Variants in GRID2 observed in about 807,000 individuals in gnomAD.
The protein encoded by GRID2 is glutamate receptor ionotropic, delta-2.
GRID2 carries 33 observed loss-of-function variants against 114.8 expected under a neutral mutation model. That is an observed-to-expected ratio of 0.29 (90% CI 0.22 to 0.38). The LOEUF is 0.38. GRID2 is among the 10% of genes least tolerant of loss of function. GRID2 has a pLI of 1.00. For synonymous variants in GRID2, 505 were observed against 449.9 expected (o/e 1.12, Z -1.55); for missense variants, 1,184 against 1,257.7 (o/e 0.94, Z 0.89).
intron 1 of GRID2, among the ~76,000 whole-genome samples, chr4:92,313,913 A>G (rs1725834046): frequency 6.6e-6 from 1 of 152,068 alleles, no homozygotes; most frequent in Non-Finnish European, 1.5e-5. Context: ...GGAAGGGGAT[A>G]TTAGGTTAAG....
chr4:92,609,617 A>AAT (rs1283727054), intron 2 of GRID2, among the ~76,000 whole-genome samples: 10 of 148,426 alleles, frequency 6.7e-5, no homozygotes, highest in Non-Finnish European at 1.3e-4. Flanking sequence ...TACTGGAAAT[A>AAT]ATATATATTA....
intron 2 of GRID2, among the ~76,000 whole-genome samples, chr4:92,637,662 T>A (rs1311443140): frequency 1.3e-5 from 2 of 152,132 alleles, no homozygotes; most frequent in East Asian, 1.9e-4. Flanking sequence ...GATATTGAAC[T>A]CCTATACATC....
chr4:92,443,292 A>G (rs138434834), intron 1 of GRID2, among the ~76,000 whole-genome samples: 2,802 of 152,218 alleles, frequency 0.018, 95 homozygotes, highest in African/African-American at 0.064. Flanking sequence ...ATTTGGAACT[A>G]CTGTGGAGTT....
At chr4:93,237,746 A>G (rs1746968160) in intron 7 of GRID2, among the ~76,000 whole-genome samples, 1 of 151,910 alleles carries the variant, frequency 6.6e-6, no homozygotes, top group South Asian at 2.1e-4. Flanking sequence ...ATATTGAATG[A>G]AAGATGAAGC....
chr4:92,697,775 G>T (rs1734490480), intron 2 of GRID2, among the ~76,000 whole-genome samples: 1 of 152,120 alleles, frequency 6.6e-6, no homozygotes. Context: ...ACTCTTAATT[G>T]ATATAGAGAA....
At chr4:93,052,121 T>C (rs181144617) in intron 2 of GRID2, among the ~76,000 whole-genome samples, 188 of 152,166 alleles carry the variant, frequency 1.2e-3, no homozygotes, top group Admixed American at 0.012. Flanking sequence ...TGGAGCTTTA[T>C]TGTTTATATC....
intron 10 of GRID2, among the ~76,000 whole-genome samples, chr4:93,448,250 AAAAG>A (rs1205706602): frequency 6.6e-6 from 1 of 151,976 alleles, no homozygotes; most frequent in Non-Finnish European, 1.5e-5. Context: ...TAACTGGAAA[AAAAG>A]GAGTAAAAGC....
At chr4:93,375,512 G>A (rs1763297437) in intron 8 of GRID2, among the ~76,000 whole-genome samples, 1 of 151,996 alleles carries the variant, frequency 6.6e-6, no homozygotes, top group African/African-American at 2.4e-5. Context: ...CGCCTGGCCA[G>A]GAGTTTTTCA....
chr4:92,489,844 TAAAAAAA>T (rs34912004), intron 1 of GRID2, among the ~76,000 whole-genome samples: 1 of 132,662 alleles, frequency 7.5e-6, no homozygotes, highest in Non-Finnish European at 1.6e-5. Context: ...AGACTCCATT[TAAAAAAA>T]AAAAAAAAAA....
At chr4:93,414,498 T>A (rs575247468) in intron 9 of GRID2, among the ~76,000 whole-genome samples, 137 of 152,162 alleles carry the variant, frequency 9.0e-4, no homozygotes, top group African/African-American at 3.1e-3. Context: ...CACGCTAGTG[T>A]CTCTTCTGTC....
At chr4:92,579,013 A>T (rs1728045930) in intron 1 of GRID2, among the ~76,000 whole-genome samples, 1 of 152,142 alleles carries the variant, frequency 6.6e-6, no homozygotes, top group Admixed American at 6.6e-5. Context: ...TTATTTAAAC[A>T]ACAATATTTT....
At chr4:93,230,983 A>G (rs1393156345) in intron 7 of GRID2, among the ~76,000 whole-genome samples, 1 of 152,106 alleles carries the variant, frequency 6.6e-6, no homozygotes, top group African/African-American at 2.4e-5. Context: ...GCAAGCTTTC[A>G]AACTTTTTAA....
At chr4:92,649,671 C>A (rs1308528327) in intron 2 of GRID2, among the ~76,000 whole-genome samples, 1 of 151,932 alleles carries the variant, frequency 6.6e-6, no homozygotes, top group Non-Finnish European at 1.5e-5. Context: ...ACTTAATAAC[C>A]AAATAAAGAC....
chr4:93,232,702 T>C (rs1330646459), intron 7 of GRID2, among the ~76,000 whole-genome samples: 1 of 151,820 alleles, frequency 6.6e-6, no homozygotes, highest in Non-Finnish European at 1.5e-5. Flanking sequence ...AATATTTAAG[T>C]ACCAGTACAT....
intron 2 of GRID2, among the ~76,000 whole-genome samples, chr4:92,772,388 GC>G (rs1007420019): frequency 1.3e-5 from 2 of 151,848 alleles, no homozygotes; most frequent in African/African-American, 4.8e-5. Flanking sequence ...GATTTCCTGT[GC>G]CCTACTCTCT....
chr4:92,726,006 A>G (rs954780353), intron 2 of GRID2, among the ~76,000 whole-genome samples: 4 of 152,126 alleles, frequency 2.6e-5, no homozygotes, highest in African/African-American at 9.7e-5. Flanking sequence ...AGTACAACAT[A>G]AATTGTGCTT....
chr4:92,325,139 G>T (rs893106730), intron 1 of GRID2, among the ~76,000 whole-genome samples: 3 of 151,762 alleles, frequency 2.0e-5, no homozygotes, highest in African/African-American at 7.3e-5. Context: ...AGCTTTAATT[G>T]TTAATTCATT....
At chr4:93,368,553 T>C (rs779490049) in intron 8 of GRID2, among the ~76,000 whole-genome samples, 20 of 152,208 alleles carry the variant, frequency 1.3e-4, no homozygotes, top group Non-Finnish European at 2.5e-4. Flanking sequence ...CTCTCCCCAC[T>C]CCCACCTCTC....
intron 1 of GRID2, among the ~76,000 whole-genome samples, chr4:92,462,210 C>A (rs1020156613): frequency 2.0e-5 from 3 of 152,022 alleles, no homozygotes. Context: ...ATTCTCACAT[C>A]GCTAAAATAG....
Sources: gnomAD v4.1 joint callset for allele counts (sites outside exome capture counted in the v4.1 genomes callset) on GRCh38, gnomAD v4.1.1 for gene constraint, MANE v1.5 for transcripts, NCBI Gene and HGNC (gene_info 2026-07-23, HGNC 2026-07-21) for gene names.